The following ZNF341 variants were observed in gnomAD, a reference collection of about 807,000 sequenced individuals.
The protein encoded by ZNF341 is zinc finger protein 341.
ZNF341 carries 52 observed loss-of-function variants against 87.7 expected under a neutral mutation model. The observed-to-expected ratio is 0.59, with a 90% CI of 0.47 to 0.75. The LOEUF is 0.75. ZNF341 is among the 30% of genes least tolerant of loss of function. The pLI, the probability that ZNF341 is intolerant of heterozygous loss-of-function variation, is 0.00. For missense variants in ZNF341, 977 were observed against 1,145.9 expected, an observed-to-expected ratio of 0.85 and a Z score of 2.13; for synonymous variants, 459 against 472.7, an observed-to-expected ratio of 0.97 and a Z score of 0.38.
intron 5 of ZNF341, among the ~76,000 whole-genome samples, chr20:33,753,883 G>T (rs529630923): frequency 9.2e-5 from 14 of 152,262 alleles, no homozygotes; most frequent in African/African-American, 2.9e-4. Context: ...GTTTACAGTG[G>T]TCAGCTAGAC....
rs538541285 is a variant in ZNF341, at chr20:33,789,447, G to T, written c.1965-71G>T. ...GACAAGGCTGTCCCTTGTGCCCAGGGCTAGTGGAGGGGCCAGCAAGAGGAT... is the reference window on the plus strand; with the variant it reads ...GACAAGGCTGTCCCTTGTGCCCAGGTCTAGTGGAGGGGCCAGCAAGAGGAT... On this transcript the variant is annotated intron_variant, in intron 13 of 14. Transcript: ENST00000375200. 2.0e-6 allele frequency: 3 copies of T among 1,517,374 alleles called. No individual in the cohort carries two copies. The South Asian group carries it at 3.4e-5, about 17-fold the overall frequency. The allele number at this position is 1,517,374 out of a possible 1,614,324, so 94.0% of individuals were successfully genotyped here.
intron 3 of ZNF341, among the ~76,000 whole-genome samples, chr20:33,748,711 G>A (rs1334241597): frequency 6.6e-6 from 1 of 152,112 alleles, no homozygotes; most frequent in South Asian, 2.1e-4. Flanking sequence ...GGCACAGAGA[G>A]GTAGAGTGAC....
chr20:33,768,804 T>C (rs1016115002), intron 9 of ZNF341, among the ~76,000 whole-genome samples: 3 of 152,182 alleles, frequency 2.0e-5, no homozygotes, highest in African/African-American at 4.8e-5. Context: ...GTGCATGATA[T>C]TGTGTAGGCA....
chr20:33,783,068 C>T (rs1484298456), intron 11 of ZNF341, among the ~76,000 whole-genome samples: 4 of 152,120 alleles, frequency 2.6e-5, no homozygotes, highest in South Asian at 2.1e-4. Flanking sequence ...GCAGGAGAAT[C>T]GCTTGAACCT....
At chr20:33,770,410 C>T in intron 10 of ZNF341, 118 bp downstream of exon 10, 1 of 1,054,582 alleles carries the variant, frequency 9.5e-7, no homozygotes, top group Non-Finnish European at 1.4e-6. Flanking sequence ...AAAGGAGAAA[C>T]CGAGGCTCCT....
intron 1 of ZNF341, among the ~76,000 whole-genome samples, chr20:33,738,724 A>T (rs1168653747): frequency 6.6e-6 from 1 of 152,200 alleles, no homozygotes; most frequent in Non-Finnish European, 1.5e-5. Flanking sequence ...GATACTTGCC[A>T]TTGAAGGGAG....
intron 5 of ZNF341, among the ~76,000 whole-genome samples, chr20:33,756,643 C>T (rs1389964118): frequency 1.3e-5 from 2 of 152,188 alleles, no homozygotes; most frequent in South Asian, 2.1e-4. Flanking sequence ...GCTGGGATTA[C>T]AGGTGTGAGC....
intron 3 of ZNF341, among the ~76,000 whole-genome samples, chr20:33,747,471 C>T (rs904886412): frequency 2.1e-5 from 3 of 144,534 alleles, no homozygotes; most frequent in South Asian, 2.1e-4. Flanking sequence ...AAAAATTAGC[C>T]GGGCGTAGTG....
Position 33,758,861 on chromosome 20 carries a change from T to C in ZNF341, c.1028+55T>C, listed in dbSNP as rs532505596. ...CTGGGCAGGTGTGGCTGGGACCATC[T>C]GTGCTGGAAGCGAGACTCCCTTCTC... On this transcript the variant is annotated intron_variant, in intron 7 of 14. Coordinates refer to ENST00000375200, the MANE Select transcript of ZNF341 (RefSeq NM_001282933.2). 4.0e-6 allele frequency: 6 copies of C among 1,513,150 alleles called. No homozygotes were observed. The South Asian group carries it at 6.8e-5, about 17-fold the overall frequency. 93.7% of individuals were successfully genotyped at this position (1,513,150 alleles called of 1,614,324 possible).
chr20:33,736,253 C>A (rs914881007), intron 1 of ZNF341, among the ~76,000 whole-genome samples: 1 of 151,672 alleles, frequency 6.6e-6, no homozygotes, highest in African/African-American at 2.4e-5. Flanking sequence ...AAGCCCCCCA[C>A]CATTCTGAAA....
intron 1 of ZNF341, among the ~76,000 whole-genome samples, chr20:33,737,977 A>C (rs2018726421): frequency 6.6e-6 from 1 of 151,720 alleles, no homozygotes; most frequent in South Asian, 2.1e-4. Context: ...GTCATTACTA[A>C]AAGTACAAAA....
At chr20:33,777,015 C>G (rs1289647010) in intron 10 of ZNF341, among the ~76,000 whole-genome samples, 2 of 151,728 alleles carry the variant, frequency 1.3e-5, no homozygotes, top group Admixed American at 1.3e-4. Context: ...ACTATAGTTA[C>G]CAAAATCAGG....
intron 3 of ZNF341, among the ~76,000 whole-genome samples, chr20:33,746,228 C>CTTTTTTTTTTTTTTTTTTTTTT (rs34461652): frequency 9.6e-6 from 1 of 104,112 alleles, no homozygotes; most frequent in African/African-American, 4.8e-5. Flanking sequence ...CGCGCCCGGC[C>CTTTTTTTTTTTTTTTTTTTTTT]TTTTTTTTTT....
chr20:33,753,048 C>A, intron 4 of ZNF341, 124 bp from the exon 5 acceptor site: 1 of 1,403,314 alleles, frequency 7.1e-7, no homozygotes, highest in Non-Finnish European at 9.8e-7. Flanking sequence ...CTTAGCCCCT[C>A]TCCTGAGCTG....
Position 33,745,144 on chromosome 20 carries a change from T to G in ZNF341, c.184T>G (p.Phe62Val), listed in dbSNP as rs1953817147. Residue 62 changes from phenylalanine to valine, a missense_variant, in exon 3 of 15, where the codon TTC becomes GTC. Transcript: ENST00000375200. ...TCTCTGCGGGAAGTGTAAGAAGCAA[T>G]TCAACTCGCTGCCAGCGTTTATGAC... Reference protein sequence around the residue: ...VFLCGKCKKQFNSLPAFMTHK... With the variant: ...VFLCGKCKKQVNSLPAFMTHK... The G allele has an allele frequency of 6.2e-7, 1 of 1,613,854 alleles. No individual in the cohort carries two copies.
chr20:33,779,847 C>T (rs917702380), intron 10 of ZNF341, among the ~76,000 whole-genome samples: 4 of 152,164 alleles, frequency 2.6e-5, no homozygotes, highest in African/African-American at 4.8e-5. Context: ...AATGGGAAGG[C>T]GCTGGGCTTG....
chr20:33,743,973 C>T (rs910459937), intron 2 of ZNF341, among the ~76,000 whole-genome samples: 5 of 152,112 alleles, frequency 3.3e-5, no homozygotes, highest in South Asian at 2.1e-4. Context: ...GAACTATAGC[C>T]GCTGGCTTTA....
intron 7 of ZNF341, among the ~76,000 whole-genome samples, chr20:33,761,273 A>G (rs1322659989): frequency 1.3e-5 from 2 of 148,762 alleles, no homozygotes; most frequent in Admixed American, 1.3e-4. Flanking sequence ...CTATTTATTT[A>G]TTTATTTATG....
At chr20:33,741,049 A>G (rs747363423) in intron 2 of ZNF341, 37 bp downstream of exon 2, 4 of 1,575,196 alleles carry the variant, frequency 2.5e-6, no homozygotes, top group African/African-American at 2.7e-5. Flanking sequence ...GGGAGAGTGA[A>G]TGGCTCCCCG....
Sources: allele counts gnomAD v4.1 joint callset (sites outside exome capture counted in the v4.1 genomes callset), GRCh38; gene constraint gnomAD v4.1.1; transcripts MANE v1.5; gene names NCBI Gene and HGNC (gene_info 2026-07-23, HGNC 2026-07-21).